Variants in CHD2 observed in about 807,000 individuals in gnomAD.
CHD2 encodes ATP-dependent chromatin remodeler CHD2.
In CHD2, 28 loss-of-function variants were observed where a neutral mutation model predicts 243.9. The observed-to-expected ratio is 0.11, with a 90% CI of 0.09 to 0.16. The LOEUF is 0.16. Among genes scored for constraint, CHD2 ranks in the 10% least tolerant of loss-of-function variants. The probability of loss-of-function intolerance (pLI) is 1.00; values close to 1 mark genes in which losing one functional copy is unlikely to be tolerated. For synonymous variants in CHD2, 775 were observed against 779.0 expected, an observed-to-expected ratio of 0.99 and a Z score of 0.09; for missense variants, 1,386 against 2,209.8, an observed-to-expected ratio of 0.63 and a Z score of 7.47.
intron 3 of CHD2, among the ~76,000 whole-genome samples, chr15:92,925,248 C>T (rs993354810): frequency 6.6e-6 from 1 of 152,192 alleles, no homozygotes; most frequent in African/African-American, 2.4e-5. Context: ...AAGGAAGGCT[C>T]TTGGTTTTCT....
At chr15:93,004,517 C>A in intron 33 of CHD2, 100 bp from the exon 34 acceptor site, 2 of 1,107,318 alleles carry the variant, frequency 1.8e-6, no homozygotes, top group Non-Finnish European at 2.5e-6. Flanking sequence ...CTGAGACCAT[C>A]ATATTTACCC....
chr15:92,954,480 A>C (rs555484220), intron 14 of CHD2: 1 of 152,336 alleles, frequency 6.6e-6, no homozygotes, highest in South Asian at 2.1e-4. Context: ...ATACAAATTC[A>C]AATTTATTTT....
chr15:92,946,347 T>A, intron 12 of CHD2, 131 bp downstream of exon 12: 1 of 659,648 alleles, frequency 1.5e-6, no homozygotes, highest in Non-Finnish European at 2.3e-6. Context: ...GAAGGTGATT[T>A]AAATATGACA....
At chr15:92,905,131 A>G (rs975276006) in intron 2 of CHD2, 3 of 772,106 alleles carry the variant, frequency 3.9e-6, no homozygotes, top group African/African-American at 3.6e-5. Context: ...AACCATTACT[A>G]TGTAAGTAAA....
At chr15:92,963,191 G>T (rs1292272795) in intron 16 of CHD2, among the ~76,000 whole-genome samples, 2 of 152,078 alleles carry the variant, frequency 1.3e-5, no homozygotes, top group Non-Finnish European at 2.9e-5. Flanking sequence ...TAATAATATG[G>T]TTGGATTTAT....
intron 5 of CHD2, among the ~76,000 whole-genome samples, chr15:92,929,974 G>T (rs1006110516): frequency 6.6e-6 from 1 of 151,880 alleles, no homozygotes; most frequent in African/African-American, 2.4e-5. Flanking sequence ...ACTATGCTAA[G>T]ATTTTGTGAC....
chr15:92,987,921 A>C (rs1034828559), intron 26 of CHD2, among the ~76,000 whole-genome samples: 13 of 152,046 alleles, frequency 8.6e-5, no homozygotes, highest in South Asian at 2.1e-4. Flanking sequence ...AGAACAATTT[A>C]CTTTGAATTA....
chr15:92,933,345 G>A (rs1342633552), intron 5 of CHD2, among the ~76,000 whole-genome samples: 1 of 152,156 alleles, frequency 6.6e-6, no homozygotes, highest in Admixed American at 6.5e-5. Flanking sequence ...GAGAAAATTT[G>A]GTAATGCTGG....
At position 92,943,061 on chromosome 15, in the gene CHD2, A is replaced by C. The variant is rs1487229845; in HGVS notation, c.1045A>C (p.Lys349Gln). Residue 349 changes from lysine to glutamine, a missense_variant, in exon 9 of 39, where the codon AAA becomes CAA. Physicochemically the swap from Lys to Gln is moderately conservative, Grantham distance 53 (BLOSUM62 1). Around this residue, in one of 19 missense-constraint regions of CHD2, gnomAD observed 200 missense variants for 292.5 expected, o/e 0.68. Transcript: ENST00000394196. ...ENFKKKEDEI[K>Q]QWLGKVSPED... is the part of the protein sequence containing the mutation. ...CTTCAAGAAAAAAGAGGACGAAATC[A>C]AACAATGGTATATTTTCCATCATGG... 1 of 1,609,766 alleles carries C rather than the reference A, an allele frequency of 6.2e-7. No homozygotes were observed. The highest frequency in any genetic ancestry group is 1.3e-5 in the African/African-American group (1 of 74,982).
chr15:92,911,107 T>G (rs1029067859), intron 2 of CHD2, among the ~76,000 whole-genome samples: 1 of 152,226 alleles, frequency 6.6e-6, no homozygotes, highest in Non-Finnish European at 1.5e-5. Flanking sequence ...ATGTGGTGCA[T>G]GATACTTGTA....
rs575030263 is a variant in CHD2 at position 92,992,728 on chromosome 15, A to G, written c.3456-131A>G. On this transcript the variant is annotated intron_variant, in intron 27 of 38. Transcript: ENST00000394196. ...CAGGGGTTCTTGTTGGAGCCTTAGAATGACCACTAAAGGAACGCAAAGAAA... is the reference window on the plus strand; with the variant it reads ...CAGGGGTTCTTGTTGGAGCCTTAGAGTGACCACTAAAGGAACGCAAAGAAA... 8 of 1,083,456 alleles carry G rather than the reference A, an allele frequency of 7.4e-6. No individual in the cohort carries two copies. The African/African-American group carries it at 9.4e-5, about 13-fold the overall frequency. 67.1% of individuals were successfully genotyped at this position (1,083,456 alleles called of 1,614,324 possible).
At chr15:92,968,144 A>G (rs1327089600) in intron 17 of CHD2, among the ~76,000 whole-genome samples, 3 of 152,024 alleles carry the variant, frequency 2.0e-5, no homozygotes, top group Non-Finnish European at 4.4e-5. Context: ...TGCCTTATAA[A>G]TTTTTTGAGT....
intron 2 of CHD2, chr15:92,914,897 C>G (rs2052805672): frequency 6.6e-6 from 1 of 152,254 alleles, no homozygotes; most frequent in East Asian, 1.9e-4. Flanking sequence ...GGGTTAACAT[C>G]AGGTTACTTG....
intron 19 of CHD2, among the ~76,000 whole-genome samples, chr15:92,973,817 A>G (rs1179310932): frequency 6.6e-6 from 1 of 152,224 alleles, no homozygotes; most frequent in Non-Finnish European, 1.5e-5. Context: ...AATGCCCTCT[A>G]CTAATGGGAA....
chr15:92,924,826 TCTTGCTCTGTTGCC>T (rs1479733016), intron 3 of CHD2, among the ~76,000 whole-genome samples: 1 of 152,046 alleles, frequency 6.6e-6, no homozygotes, highest in Non-Finnish European at 1.5e-5. Flanking sequence ...TGCAACAGAG[TCTTGCTCTGTTGCC>T]CAGCCTGGAG....
Position 92,992,929 on chromosome 15 carries a change from C to T in CHD2, c.3526C>T (p.Leu1176=). ...SVADLKRLGE[L]IHNSCVSAMQ... ...GGCAGATCTGAAGCGCCTGGGTGAA[C>T]TGATCCACAACAGCTGTGTGTCAGC... The change falls in exon 28 of 39, where the codon CTG becomes TTG. Residue 1176 remains leucine, a synonymous_variant. Coordinates refer to ENST00000394196, the MANE Select transcript of CHD2 (RefSeq NM_001271.4). The T allele has an allele frequency of 6.2e-7, 1 of 1,614,160 alleles. No homozygotes were observed. The highest frequency in any genetic ancestry group is 8.5e-7 in the Non-Finnish European group (1 of 1,180,034).
chr15:92,902,472 T>C, intron 2 of CHD2: 1 of 285,904 alleles, frequency 3.5e-6, no homozygotes, highest in Non-Finnish European at 6.4e-6. Flanking sequence ...AATAATACAC[T>C]TTTCTATTAG....
chr15:93,013,953 A>T (rs1360141129), intron 36 of CHD2, among the ~76,000 whole-genome samples: 12 of 149,892 alleles, frequency 8.0e-5, no homozygotes, highest in Non-Finnish European at 1.2e-4. Context: ...AAAAAAAAAA[A>T]AAATACAGAA....
chr15:92,953,595 G>T (rs1464262478), intron 14 of CHD2, 22 bp downstream of exon 14: 1 of 1,599,970 alleles, frequency 6.3e-7, no homozygotes, highest in Non-Finnish European at 8.6e-7. Flanking sequence ...AAAAGAGCTG[G>T]GTTAGAATCT....
Sources: allele counts gnomAD v4.1 joint callset (sites outside exome capture counted in the v4.1 genomes callset), GRCh38; gene constraint gnomAD v4.1.1; regional missense constraint gnomAD v4.1.1; transcripts MANE v1.5; gene names NCBI Gene and HGNC (gene_info 2026-07-23, HGNC 2026-07-21).